Variants in EPHA6 observed in about 807,000 individuals in gnomAD.
The protein encoded by EPHA6 is EPH receptor A6, also known as ephrin type-A receptor 6.
A neutral mutation model predicts 112.0 loss-of-function variants in EPHA6; 50 were observed. That is an observed-to-expected ratio of 0.45 (90% CI 0.36 to 0.56). The LOEUF (loss-of-function observed/expected upper bound fraction) is 0.56. Among genes scored for constraint, EPHA6 ranks in the 20% least tolerant of loss-of-function variants. The pLI is 0.00. For missense variants in EPHA6, 1,280 were observed against 1,417.4 expected (o/e 0.90, Z 1.56); for synonymous variants, 529 against 490.7 (o/e 1.08, Z -1.03).
intron 3 of EPHA6, among the ~76,000 whole-genome samples, chr3:97,163,839 C>T (rs1286083839): frequency 6.6e-6 from 1 of 152,196 alleles, no homozygotes; most frequent in Non-Finnish European, 1.5e-5. Context: ...AATTCTATTT[C>T]TTCCCAGTCA....
intron 14 of EPHA6, among the ~76,000 whole-genome samples, chr3:97,676,521 G>T (rs930995852): frequency 6.6e-6 from 1 of 152,120 alleles, no homozygotes; most frequent in African/African-American, 2.4e-5. Flanking sequence ...CTCTTTCAAA[G>T]AATTTTGTTA....
At chr3:97,300,167 C>T (rs1042973277) in intron 5 of EPHA6, among the ~76,000 whole-genome samples, 1 of 152,032 alleles carries the variant, frequency 6.6e-6, no homozygotes, top group Non-Finnish European at 1.5e-5. Context: ...TTATTATAGT[C>T]GCCTTTTATC....
intron 3 of EPHA6, among the ~76,000 whole-genome samples, chr3:97,175,379 G>A (rs1041445708): frequency 6.6e-6 from 1 of 151,762 alleles, no homozygotes; most frequent in Non-Finnish European, 1.5e-5. Context: ...TAGATTTTCT[G>A]GGTCTTTTGA....
intron 5 of EPHA6, 101 bp downstream of exon 5, chr3:97,244,388 A>G (rs1169052262): frequency 6.3e-6 from 6 of 954,872 alleles, no homozygotes; most frequent in Non-Finnish European, 9.7e-6. Flanking sequence ...ATGCAGTCAT[A>G]TACGTTATAC....
intron 3 of EPHA6, among the ~76,000 whole-genome samples, chr3:97,221,429 T>TGATTCTG (rs1016357403): frequency 3.2e-4 from 48 of 151,382 alleles, no homozygotes; most frequent in African/African-American, 1.1e-3. Context: ...CTTTCCTACA[T>TGATTCTG]GATTCTGTAG....
chr3:96,971,042 A>C (rs2107783375), intron 2 of EPHA6, among the ~76,000 whole-genome samples: 1 of 152,226 alleles, frequency 6.6e-6, no homozygotes, highest in Middle Eastern at 3.4e-3. Flanking sequence ...CCCTTTATTT[A>C]GAAATCCTAT....
intron 1 of EPHA6, among the ~76,000 whole-genome samples, chr3:96,832,156 A>G (rs914641608): frequency 2.0e-5 from 3 of 152,096 alleles, no homozygotes; most frequent in Non-Finnish European, 4.4e-5. Context: ...CGTATATCTA[A>G]TCACTTCACT....
intron 5 of EPHA6, among the ~76,000 whole-genome samples, chr3:97,403,725 C>A (rs2087145166): frequency 6.6e-6 from 1 of 152,186 alleles, no homozygotes; most frequent in African/African-American, 2.4e-5. Context: ...GGATTACAGG[C>A]GTGAGCCACC....
chr3:97,569,682 T>A (rs2093311914), intron 11 of EPHA6, among the ~76,000 whole-genome samples: 1 of 152,230 alleles, frequency 6.6e-6, no homozygotes, highest in African/African-American at 2.4e-5. Context: ...GACAAAAGAT[T>A]AGAGGCAAAA....
chr3:97,248,937 T>G (rs1302528201), intron 5 of EPHA6, among the ~76,000 whole-genome samples: 2 of 152,124 alleles, frequency 1.3e-5, no homozygotes, highest in Non-Finnish European at 2.9e-5. Flanking sequence ...GTCTTTATAT[T>G]TGCATTTTAA....
At chr3:97,372,246 T>C (rs113775388) in intron 5 of EPHA6, among the ~76,000 whole-genome samples, 2,958 of 152,226 alleles carry the variant, frequency 0.019, 103 homozygotes, top group African/African-American at 0.067. Context: ...TTTTCTCTTT[T>C]GTACCTTTTC....
At chr3:96,834,777 C>T (rs1284073572) in intron 1 of EPHA6, among the ~76,000 whole-genome samples, 1 of 151,922 alleles carries the variant, frequency 6.6e-6, no homozygotes, top group Non-Finnish European at 1.5e-5. Context: ...ATATCAGTTC[C>T]ATCCCTTATT....
At chr3:97,087,961 G>A (rs533369986) in intron 3 of EPHA6, among the ~76,000 whole-genome samples, 23 of 152,066 alleles carry the variant, frequency 1.5e-4, no homozygotes, top group South Asian at 1.2e-3. Flanking sequence ...AGGAGGGCAG[G>A]TCACAATGTC....
chr3:96,864,186 C>T (rs1047690256), intron 1 of EPHA6, among the ~76,000 whole-genome samples: 4 of 152,094 alleles, frequency 2.6e-5, no homozygotes, highest in East Asian at 3.9e-4. Context: ...AAAAAACAAA[C>T]ATTTTCTGTA....
At chr3:97,501,837 T>C (rs1425229348) in intron 10 of EPHA6, among the ~76,000 whole-genome samples, 1 of 151,644 alleles carries the variant, frequency 6.6e-6, no homozygotes, top group African/African-American at 2.4e-5. Flanking sequence ...AAAGATAAGA[T>C]CAAAAACAGT....
intron 3 of EPHA6, among the ~76,000 whole-genome samples, chr3:97,197,919 A>G (rs1338574392): frequency 1.3e-5 from 2 of 152,030 alleles, no homozygotes; most frequent in East Asian, 3.9e-4. Flanking sequence ...CACCAGCTGA[A>G]TTATCTCCTG....
chr3:97,461,767 A>G (rs1238387273), intron 7 of EPHA6, among the ~76,000 whole-genome samples: 1 of 152,154 alleles, frequency 6.6e-6, no homozygotes, highest in Non-Finnish European at 1.5e-5. Context: ...ACATAAAAGG[A>G]GGAGTGGAAT....
intron 2 of EPHA6, among the ~76,000 whole-genome samples, chr3:96,906,796 G>A (rs898487442): frequency 2.6e-5 from 4 of 151,936 alleles, no homozygotes; most frequent in Non-Finnish European, 4.4e-5. Flanking sequence ...ATTTGGGAAG[G>A]CAGTACAGAA....
At chr3:96,968,858 CT>C (rs1361928797) in intron 2 of EPHA6, among the ~76,000 whole-genome samples, 2 of 151,762 alleles carry the variant, frequency 1.3e-5, no homozygotes, top group East Asian at 3.9e-4. Context: ...ATTAATGAAA[CT>C]TTTTCTAAAG....
Sources: gnomAD v4.1 joint callset for allele counts (sites outside exome capture counted in the v4.1 genomes callset) on GRCh38, gnomAD v4.1.1 for gene constraint, MANE v1.5 for transcripts, NCBI Gene and HGNC (gene_info 2026-07-23, HGNC 2026-07-21) for gene names.